ACAP2: variants seen among roughly 807,000 people sequenced by gnomAD.
ACAP2 encodes the protein ArfGAP with coiled-coil, ankyrin repeat and PH domains 2.
ACAP2 carries 39 observed loss-of-function variants against 115.8 expected under a neutral mutation model. The ratio of observed to expected loss-of-function variants is 0.34; its 90% CI spans 0.26 to 0.44. The LOEUF is 0.44. Among genes scored for constraint, ACAP2 ranks in the 20% least tolerant of loss-of-function variants. The pLI, the probability that ACAP2 is intolerant of heterozygous loss-of-function variation, is 1.00. For missense variants in ACAP2, 662 were observed against 927.6 expected (o/e 0.71, Z 3.72); for synonymous variants, 289 against 315.8 (o/e 0.92, Z 0.90).
chr3:195,392,727 T>C (rs764459414), intron 1 of ACAP2, among the ~76,000 whole-genome samples: 12 of 152,326 alleles, frequency 7.9e-5, no homozygotes, highest in Middle Eastern at 3.4e-3. Context: ...TATTGTCTTA[T>C]TGACAAAAGA....
chr3:195,282,598 A>C (rs1560196426), intron 22 of ACAP2: 1 of 152,198 alleles, frequency 6.6e-6, no homozygotes. Flanking sequence ...AATTTTTCCC[A>C]AGGCAAATAT....
At chr3:195,425,473 G>A (rs1409083234) in intron 1 of ACAP2, among the ~76,000 whole-genome samples, 1 of 152,176 alleles carries the variant, frequency 6.6e-6, no homozygotes, top group Non-Finnish European at 1.5e-5. Context: ...TCTACTGTGT[G>A]CAAGAAATCG....
At chr3:195,401,199 C>A (rs1010206515) in intron 1 of ACAP2, among the ~76,000 whole-genome samples, 1 of 152,306 alleles carries the variant, frequency 6.6e-6, no homozygotes, top group African/African-American at 2.4e-5. Context: ...TTGCAGGGTT[C>A]TCTCCACGAC....
chr3:195,285,146 G>A (rs780807676), intron 22 of ACAP2, among the ~76,000 whole-genome samples: 2 of 152,232 alleles, frequency 1.3e-5, no homozygotes, highest in Non-Finnish European at 2.9e-5. Context: ...TTTAGCTTTA[G>A]ATAAAATGAG....
At position 195,325,888 on chromosome 3, in the gene ACAP2, C is replaced by T. The variant is rs533782749; in HGVS notation, c.744+997G>A. 2.4e-3 allele frequency among the ~76,000 whole-genome samples: 369 copies of T among 152,162 alleles called. 1 individual carries two copies. Among genetic ancestry groups the T allele is most frequent in the Non-Finnish European group, 4.2e-3 (287 of 67,986 alleles). ...AAACAAAAGTTAATCTAACTGTAAA[C>T]GAAACAAAATAAAACGTGGAGTTTG... On this transcript the variant is annotated intron_variant, in intron 9 of 22. Coordinates refer to ENST00000326793, the MANE Select transcript of ACAP2 (RefSeq NM_012287.6).
intron 1 of ACAP2, among the ~76,000 whole-genome samples, chr3:195,417,907 C>A (rs1332307698): frequency 3.9e-5 from 6 of 151,930 alleles, no homozygotes; most frequent in African/African-American, 1.5e-4. Context: ...CACAATCACA[C>A]CCCAGCCTGG....
intron 4 of ACAP2, among the ~76,000 whole-genome samples, chr3:195,346,839 T>C (rs1372816755): frequency 2.0e-5 from 3 of 152,192 alleles, no homozygotes; most frequent in Non-Finnish European, 4.4e-5. Context: ...AGAATGATTA[T>C]TAATACATGC....
At chr3:195,358,953 A>C (rs1732168427) in intron 4 of ACAP2, among the ~76,000 whole-genome samples, 1 of 152,214 alleles carries the variant, frequency 6.6e-6, no homozygotes, top group African/African-American at 2.4e-5. Flanking sequence ...AAGAAACAAT[A>C]CAATGGAGCT....
At chr3:195,387,049 T>C (rs958830969) in intron 2 of ACAP2, among the ~76,000 whole-genome samples, 5 of 151,808 alleles carry the variant, frequency 3.3e-5, no homozygotes, top group South Asian at 2.1e-4. Context: ...GAAAATGAAA[T>C]TGTCATACAG....
At chr3:195,346,954 G>A (rs1275278604) in intron 4 of ACAP2, among the ~76,000 whole-genome samples, 1 of 152,150 alleles carries the variant, frequency 6.6e-6, no homozygotes, top group Non-Finnish European at 1.5e-5. Flanking sequence ...GATTTCCACT[G>A]ATAGGAGGAG....
At chr3:195,340,608 A>G (rs1425537396) in intron 6 of ACAP2, among the ~76,000 whole-genome samples, 1 of 152,232 alleles carries the variant, frequency 6.6e-6, no homozygotes, top group East Asian at 1.9e-4. Context: ...AGGAAGACCT[A>G]AAAGCAGTTT....
At chr3:195,327,870 G>A (rs760916652) in intron 8 of ACAP2, among the ~76,000 whole-genome samples, 1 of 152,048 alleles carries the variant, frequency 6.6e-6, no homozygotes, top group Non-Finnish European at 1.5e-5. Flanking sequence ...GGCAGAGGTT[G>A]CAGCAGGCCA....
chr3:195,303,145 A>G, intron 13 of ACAP2, among the ~76,000 whole-genome samples: 1 of 151,048 alleles, frequency 6.6e-6, no homozygotes, highest in East Asian at 2.0e-4. Context: ...AAACCCAGGA[A>G]ACGGAGGTTG....
intron 15 of ACAP2, among the ~76,000 whole-genome samples, chr3:195,300,994 A>G (rs967437022): frequency 2.6e-5 from 4 of 152,196 alleles, no homozygotes; most frequent in African/African-American, 9.7e-5. Context: ...CAGCCTGCAC[A>G]AGGGAGCGAA....
chr3:195,420,506 A>G (rs1338241554), intron 1 of ACAP2, among the ~76,000 whole-genome samples: 9 of 151,388 alleles, frequency 5.9e-5, no homozygotes, highest in Non-Finnish European at 1.0e-4. Flanking sequence ...GTGCCACCAC[A>G]CCCGGCTAAT....
chr3:195,417,689 T>C (rs536648431), intron 1 of ACAP2, among the ~76,000 whole-genome samples: 2 of 152,316 alleles, frequency 1.3e-5, no homozygotes, highest in South Asian at 2.1e-4. Context: ...GGCTCACACC[T>C]GTAATCCTAG....
intron 4 of ACAP2, chr3:195,349,883 C>A (rs1272366314): frequency 1.8e-5 from 5 of 284,086 alleles, no homozygotes; most frequent in South Asian, 3.6e-5. Context: ...AACAAAGGAA[C>A]AAGCAATATC....
At chr3:195,405,102 T>C (rs1482961740) in intron 1 of ACAP2, among the ~76,000 whole-genome samples, 1 of 150,718 alleles carries the variant, frequency 6.6e-6, no homozygotes, top group African/African-American at 2.4e-5. Flanking sequence ...AACCAGCCTA[T>C]TGCCGCTTAA....
At chr3:195,397,211 A>G (rs1189643659) in intron 1 of ACAP2, among the ~76,000 whole-genome samples, 6 of 152,170 alleles carry the variant, frequency 3.9e-5, no homozygotes, top group Non-Finnish European at 8.8e-5. Context: ...AGAGGTGCCT[A>G]TATGTATGTG....
Sources: allele counts gnomAD v4.1 joint callset (sites outside exome capture counted in the v4.1 genomes callset), GRCh38; gene constraint gnomAD v4.1.1; transcripts MANE v1.5; gene names NCBI Gene and HGNC (gene_info 2026-07-23, HGNC 2026-07-21).